Variants in TRABD2A observed in about 807,000 individuals in gnomAD.
TRABD2A encodes the protein TraB domain containing 2A.
A neutral mutation model predicts 45.6 loss-of-function variants in TRABD2A; 43 were observed. The observed-to-expected ratio is 0.94, with a 90% CI of 0.74 to 1.22. TRABD2A has a LOEUF of 1.22. TRABD2A is among the 50% of genes most tolerant of loss of function. TRABD2A has a pLI of 0.00. For missense variants in TRABD2A, 642 were observed against 652.4 expected (o/e 0.98, Z 0.17); for synonymous variants, 269 against 265.0 (o/e 1.02, Z -0.15).
chr2:84,824,156 A>T lies in TRABD2A; in HGVS notation c.1131T>A (p.Phe377Leu). 1 of 1,613,970 alleles carries T rather than the reference A, an allele frequency of 6.2e-7. No homozygotes were observed. The highest frequency in any genetic ancestry group is 8.5e-7 in the Non-Finnish European group (1 of 1,179,878). ...CTTCCAGGGTAGGGACTTTTGGAGC[A>T]AAGATGGTGGACAGAGTGGGCCGTG... ...TSTRPTLSTI[F>L]APKVPTLEVP... The change falls in exon 6 of 7, where the codon TTT (phenylalanine) becomes TTA (leucine). Residue 377 changes from phenylalanine (F) to leucine (L), a missense_variant. By Grantham distance (22) the Phe-to-Leu change is conservative (BLOSUM62 0). Transcript: ENST00000409520.
Position 84,824,210 on chromosome 2 carries a change from C to A in TRABD2A, c.1083-6G>T. On this transcript the variant is annotated splice_polypyrimidine_tract_variant and splice_region_variant and intron_variant, in intron 5 of 6. Coordinates refer to ENST00000409520, the MANE Select transcript of TRABD2A (RefSeq NM_001277053.2). ...AGGTCTTTTTACTCTTCCCTCTGTA[C>A]GCAAGTGGAAGGAGAAGGTATTTGG... 6.2e-7 allele frequency: 1 copy of A among 1,613,646 alleles called. No individual in the cohort carries two copies. Among genetic ancestry groups the A allele is most frequent in the Non-Finnish European group, 8.5e-7 (1 of 1,179,792 alleles).
chr2:84,831,203 A>T (rs1399406427), intron 5 of TRABD2A, among the ~76,000 whole-genome samples: 1 of 152,156 alleles, frequency 6.6e-6, no homozygotes, highest in Non-Finnish European at 1.5e-5. Context: ...AGAAAAAAAA[A>T]ATGCCATGTG....
intron 1 of TRABD2A, among the ~76,000 whole-genome samples, chr2:84,879,276 G>T (rs1683128122): frequency 6.6e-6 from 1 of 151,724 alleles, no homozygotes; most frequent in South Asian, 2.1e-4. Context: ...CCACTCCCAG[G>T]CTCAAGGTTT....
Position 84,823,947 on chromosome 2 carries a change from C to T in TRABD2A, c.1334+6G>A. The T allele has an allele frequency of 6.2e-7, 1 of 1,613,384 alleles. No homozygotes were observed. The highest frequency in any genetic ancestry group is 8.5e-7 in the Non-Finnish European group (1 of 1,179,864). ...ATGCCAACCCGACCCAGCCTACTCG[C>T]CTGACCTCTCCTCCAGGCGGACCCA... On this transcript the variant is annotated splice_donor_region_variant and intron_variant, in intron 6 of 6. Transcript: ENST00000409520.
Position 84,863,239 on chromosome 2 carries a change from C to CTTTTTTTTTTTTTTTTTTGT in TRABD2A, c.669+6985_669+6986insACAAAAAAAAAAAAAAAAAA, listed in dbSNP as rs1682555914. On this transcript the variant is annotated intron_variant, in intron 2 of 6. Transcript: ENST00000409520. ...CCAAAAGGTTAGACTTCATGTGAAT[C>CTTTTTTTTTTTTTTTTTTGT]TTTTTTTTTTTTTTTTTTTTTTTGA... 2.0e-5 allele frequency among the ~76,000 whole-genome samples: 2 copies of CTTTTTTTTTTTTTTTTTTGT among 98,132 alleles called. 1 individual carries two copies. Among genetic ancestry groups the CTTTTTTTTTTTTTTTTTTGT allele is most frequent in the African/African-American group, 8.8e-5 (2 of 22,634 alleles). 64.4% of individuals were successfully genotyped at this position (98,132 alleles called of 152,430 possible).
rs141179709 is a variant in TRABD2A, at chr2:84,853,422, G to A, written c.670-11415C>T. 7.2e-3 allele frequency among the ~76,000 whole-genome samples: 1,100 copies of A among 152,212 alleles called. 14 individuals are homozygous for A. The highest frequency in any genetic ancestry group is 0.026 in the African/African-American group (1,067 of 41,532). ...AGGAAGGAGAAGTGCTGAGCAAAAG[G>A]GGGAAAAGCCCCTTATGAAACTATC... On this transcript the variant is annotated intron_variant, in intron 2 of 6. Transcript: ENST00000409520.
intron 2 of TRABD2A, among the ~76,000 whole-genome samples, chr2:84,866,268 A>C (rs1486418842): frequency 6.6e-6 from 1 of 152,220 alleles, no homozygotes; most frequent in Admixed American, 6.5e-5. Context: ...AGTCCAGCCA[A>C]CTGCTGCTAT....
At chr2:84,868,056 A>G (rs141536779) in intron 2 of TRABD2A, among the ~76,000 whole-genome samples, 21,080 of 152,182 alleles carry the variant, frequency 0.14, 1,885 homozygotes, top group African/African-American at 0.26. Flanking sequence ...AACTAGAAAT[A>G]CCATTTGGCC....
intron 5 of TRABD2A, among the ~76,000 whole-genome samples, chr2:84,824,452 C>G (rs887702578): frequency 6.6e-6 from 1 of 151,694 alleles, no homozygotes; most frequent in Non-Finnish European, 1.5e-5. Context: ...GGAGAAAGAT[C>G]CAAGATTTTT....
At chr2:84,872,053 C>T (rs1206984508) in intron 1 of TRABD2A, among the ~76,000 whole-genome samples, 1 of 152,218 alleles carries the variant, frequency 6.6e-6, no homozygotes, top group Non-Finnish European at 1.5e-5. Context: ...CTGAGTGTCT[C>T]TCATCCTCAA....
intron 4 of TRABD2A, among the ~76,000 whole-genome samples, chr2:84,838,449 A>C (rs1469617467): frequency 6.6e-6 from 1 of 152,050 alleles, no homozygotes; most frequent in Non-Finnish European, 1.5e-5. Context: ...GGAGGCCCTC[A>C]CTCCACCATT....
intron 2 of TRABD2A, among the ~76,000 whole-genome samples, chr2:84,848,735 C>T (rs910716450): frequency 6.6e-6 from 1 of 151,710 alleles, no homozygotes; most frequent in African/African-American, 2.4e-5. Context: ...ACCACCACGC[C>T]CAGCTATTTT....
At chr2:84,832,014 GTC>G in intron 5 of TRABD2A, 39 bp downstream of exon 5, 2 of 1,606,864 alleles carry the variant, frequency 1.2e-6, no homozygotes, top group Non-Finnish European at 1.7e-6. Flanking sequence ...CCCCATGAGG[GTC>G]TCAGCTCCCC....
Position 84,827,645 on chromosome 2 carries a change from G to T in TRABD2A, c.1083-3441C>A, listed in dbSNP as rs77662688. ...AAGCTGTGAACACATTACCTTACAC[G>T]GTAAAAGGAACTTTGCAGGTGTATT... On this transcript the variant is annotated intron_variant, in intron 5 of 6. Transcript: ENST00000409520. Among the ~76,000 whole-genome samples, 3 of 152,302 alleles carry T rather than the reference G, an allele frequency of 2.0e-5. 1 individual carries two copies. In the East Asian group the frequency reaches 5.8e-4, roughly 29 times the overall value.
At position 84,846,621 on chromosome 2, in the gene TRABD2A, A is replaced by T. The variant is rs1213574193; in HGVS notation, c.670-4614T>A. ...TCAATGAAAGTCAGAGGAAGGCTCCATGATGAGCCTCAAAGACAGCTTGGC... is the reference window on the plus strand; with the variant it reads ...TCAATGAAAGTCAGAGGAAGGCTCCTTGATGAGCCTCAAAGACAGCTTGGC... On this transcript the variant is annotated intron_variant, in intron 2 of 6. Coordinates refer to ENST00000409520, the MANE Select transcript of TRABD2A (RefSeq NM_001277053.2). 2.0e-5 allele frequency among the ~76,000 whole-genome samples: 3 copies of T among 152,350 alleles called. No individual in the cohort carries two copies. In the South Asian group the frequency reaches 6.2e-4, roughly 32 times the overall value.
chr2:84,861,099 G>A (rs1445831166), intron 2 of TRABD2A, among the ~76,000 whole-genome samples: 1 of 152,140 alleles, frequency 6.6e-6, no homozygotes, highest in African/African-American at 2.4e-5. Flanking sequence ...TTACAGGGCC[G>A]TAGATCGATT....
chr2:84,880,340 A>G (rs1683158158), intron 1 of TRABD2A, among the ~76,000 whole-genome samples: 1 of 152,130 alleles, frequency 6.6e-6, no homozygotes, highest in Non-Finnish European at 1.5e-5. Context: ...CTGGACACGC[A>G]AGGCTCGGAC....
intron 6 of TRABD2A, among the ~76,000 whole-genome samples, chr2:84,823,069 T>C (rs1225410539): frequency 6.6e-6 from 1 of 152,154 alleles, no homozygotes; most frequent in Admixed American, 6.5e-5. Context: ...GTGCAGGCCC[T>C]GAATCCCTGC....
chr2:84,880,263 A>C (rs959279378), intron 1 of TRABD2A, among the ~76,000 whole-genome samples: 1 of 151,874 alleles, frequency 6.6e-6, no homozygotes, highest in African/African-American at 2.4e-5. Flanking sequence ...CGGGCAGGTC[A>C]CTGAGCCTCC....
Sources: gnomAD v4.1 joint callset for allele counts (sites outside exome capture counted in the v4.1 genomes callset) on GRCh38, gnomAD v4.1.1 for gene constraint, MANE v1.5 for transcripts, NCBI Gene and HGNC (gene_info 2026-07-23, HGNC 2026-07-21) for gene names.